The following FHIT variants were observed in gnomAD, a reference collection of about 807,000 sequenced individuals.
FHIT encodes the protein fragile histidine triad diadenosine triphosphatase.
In FHIT, 19 loss-of-function variants were observed where a neutral mutation model predicts 17.9. That is an observed-to-expected ratio of 1.06 (90% CI 0.74 to 1.56). FHIT has a LOEUF of 1.56. Among genes scored for constraint, FHIT ranks in the 40% most tolerant of loss-of-function variants. The pLI, the probability that FHIT is intolerant of heterozygous loss-of-function variation, is 0.00. For synonymous variants in FHIT, 81 were observed against 69.7 expected (o/e 1.16, Z -0.81); for missense variants, 248 against 189.2 (o/e 1.31, Z -1.82).
rs996760215 is a variant in FHIT, at chr3:61,069,184, A to T, written c.-163-27085T>A. Among the ~76,000 whole-genome samples the T allele has an allele frequency of 5.3e-5, 8 of 152,306 alleles. No individual in the cohort carries two copies. In the East Asian group the frequency reaches 1.5e-3, roughly 29 times the overall value. The stretch of plus-strand genomic sequence containing the variant: ...GGAGGGCAGAGTTCTTGAAAATGAT[A>T]GCCATGGTTTTTTTCGTGGCACATA... On this transcript the variant is annotated intron_variant, in intron 2 of 9. Transcript: ENST00000492590.
chr3:60,081,031 G>C (rs1703259822), intron 5 of FHIT, among the ~76,000 whole-genome samples: 1 of 152,126 alleles, frequency 6.6e-6, no homozygotes, highest in African/African-American at 2.4e-5. Flanking sequence ...GTAATGAAAG[G>C]AAGGGATAGA....
Position 60,293,453 on chromosome 3 carries a change from G to T in FHIT, c.103+243407C>A, listed in dbSNP as rs180914936. Reference sequence around the variant, plus strand: ...TTCAAAGTCACTAATTTCCATGGAAGGAGATTAAGCGTATACTTTATCGAC... The same window carrying T: ...TTCAAAGTCACTAATTTCCATGGAATGAGATTAAGCGTATACTTTATCGAC... On this transcript the variant is annotated intron_variant, in intron 5 of 9. Coordinates refer to ENST00000492590, the MANE Select transcript of FHIT (RefSeq NM_002012.4). Among the ~76,000 whole-genome samples the T allele has an allele frequency of 2.3e-4, 35 of 152,234 alleles. No individual in the cohort carries two copies. The East Asian group carries it at 6.6e-3, about 29-fold the overall frequency.
chr3:60,762,961 GTC>G (rs1225408916), intron 4 of FHIT, among the ~76,000 whole-genome samples: 1 of 152,100 alleles, frequency 6.6e-6, no homozygotes, highest in Admixed American at 6.5e-5. Flanking sequence ...GATCATCTCT[GTC>G]TCTCTCTGGA....
intron 5 of FHIT, among the ~76,000 whole-genome samples, chr3:60,216,778 T>G (rs1703718085): frequency 6.6e-6 from 1 of 152,156 alleles, no homozygotes; most frequent in African/African-American, 2.4e-5. Context: ...CCAGACATGT[T>G]CCAGTGTCTG....
chr3:60,929,741 T>C (rs1243778044), intron 3 of FHIT, among the ~76,000 whole-genome samples: 4 of 152,350 alleles, frequency 2.6e-5, no homozygotes, highest in Middle Eastern at 3.4e-3. Context: ...GAACATTCCA[T>C]GCTCATGGGT....
rs372723991 is a variant in FHIT, at chr3:61,204,709, G to A, written c.-212-4044C>T. ...ACATAAGTTTTGAAAAGAAAAGTGT[G>A]GATAAGTACACACCACGGAAATAGG... On this transcript the variant is annotated intron_variant, in intron 1 of 9. Coordinates refer to ENST00000492590, the MANE Select transcript of FHIT (RefSeq NM_002012.4). Among the ~76,000 whole-genome samples, 8 of 152,078 alleles carry A rather than the reference G, an allele frequency of 5.3e-5. No homozygotes were observed. The East Asian group carries it at 9.6e-4, about 18-fold the overall frequency.
chr3:60,177,021 GA>G (rs200966097), intron 5 of FHIT, among the ~76,000 whole-genome samples: 2 of 150,700 alleles, frequency 1.3e-5, no homozygotes, highest in Admixed American at 6.6e-5. Context: ...AATTGTGGGA[GA>G]AAAAAAAATG....
intron 8 of FHIT, among the ~76,000 whole-genome samples, chr3:59,884,010 T>C (rs73839564): frequency 0.071 from 10,750 of 152,248 alleles, 1,284 homozygotes; most frequent in African/African-American, 0.24. Context: ...ACTTTTGTCT[T>C]GTTTATGTAA....
At chr3:59,910,861 G>A (rs1704836557) in intron 8 of FHIT, among the ~76,000 whole-genome samples, 1 of 152,000 alleles carries the variant, frequency 6.6e-6, no homozygotes, top group Non-Finnish European at 1.5e-5. Flanking sequence ...TTAGTTTTTG[G>A]TGACTCCAAA....
chr3:60,558,828 AC>A (rs1459743172), intron 4 of FHIT, among the ~76,000 whole-genome samples: 1 of 152,132 alleles, frequency 6.6e-6, no homozygotes, highest in Admixed American at 6.5e-5. Flanking sequence ...AACATGGAAA[AC>A]CTATTGCTCA....
At chr3:60,501,061 G>C (rs1479026598) in intron 5 of FHIT, among the ~76,000 whole-genome samples, 2 of 152,182 alleles carry the variant, frequency 1.3e-5, no homozygotes, top group Non-Finnish European at 2.9e-5. Flanking sequence ...CTGTTGAACT[G>C]AATTGAAGTG....
At chr3:59,878,650 G>T (rs182695827) in intron 8 of FHIT, among the ~76,000 whole-genome samples, 2 of 152,184 alleles carry the variant, frequency 1.3e-5, no homozygotes, top group Admixed American at 1.3e-4. Flanking sequence ...GAACACAGCC[G>T]AAGAGAAAGT....
chr3:60,697,823 T>A (rs1010113676), intron 4 of FHIT, among the ~76,000 whole-genome samples: 1 of 152,186 alleles, frequency 6.6e-6, no homozygotes, highest in Non-Finnish European at 1.5e-5. Flanking sequence ...CTGACCATTA[T>A]AAATACAGCA....
intron 5 of FHIT, among the ~76,000 whole-genome samples, chr3:60,423,792 G>T (rs1001905536): frequency 9.2e-5 from 14 of 152,088 alleles, no homozygotes; most frequent in African/African-American, 3.4e-4. Flanking sequence ...GCTTTTCAGG[G>T]CAGGATGAGG....
At chr3:61,105,859 CT>C (rs2106869975) in intron 2 of FHIT, among the ~76,000 whole-genome samples, 1 of 152,336 alleles carries the variant, frequency 6.6e-6, no homozygotes, top group Non-Finnish European at 1.5e-5. Context: ...TTCAAAGACG[CT>C]TTCAGCCTCC....
chr3:60,249,119 C>A (rs1705553242), intron 5 of FHIT, among the ~76,000 whole-genome samples: 2 of 152,062 alleles, frequency 1.3e-5, no homozygotes, highest in African/African-American at 4.8e-5. Context: ...TGCTTTTCTT[C>A]TGTTAAACTG....
chr3:59,748,142 C>G lies in FHIT; in HGVS notation c.*1443G>C, dbSNP rs12487811. Among the ~76,000 whole-genome samples, 30,990 of 151,932 alleles carry G rather than the reference C, an allele frequency of 0.2. 3,776 individuals carry two copies. Among genetic ancestry groups the G allele is most frequent in the African/African-American group, 0.33 (13,505 of 41,412 alleles). ...TGGAAATCATCAGCATTGTTTTTCT[C>G]TTATGTTTATTTTTATGCTTAACTT... On this transcript the variant is annotated 3_prime_UTR_variant, in exon 10 of 10. Transcript: ENST00000492590.
chr3:60,801,886 A>C (rs1701204105), intron 4 of FHIT, among the ~76,000 whole-genome samples: 1 of 152,258 alleles, frequency 6.6e-6, no homozygotes, highest in Non-Finnish European at 1.5e-5. Context: ...AATGGCAAAC[A>C]GTGATTCCTT....
chr3:61,206,678 G>C (rs1443427751), intron 1 of FHIT, among the ~76,000 whole-genome samples: 1 of 151,848 alleles, frequency 6.6e-6, no homozygotes, highest in African/African-American at 2.4e-5. Flanking sequence ...TGTATCCTGA[G>C]ACTTTCCTGA....
Sources: allele counts gnomAD v4.1 joint callset (sites outside exome capture counted in the v4.1 genomes callset), GRCh38; gene constraint gnomAD v4.1.1; transcripts MANE v1.5; gene names NCBI Gene and HGNC (gene_info 2026-07-23, HGNC 2026-07-21).